ELOVL7: variants seen among roughly 807,000 people sequenced by gnomAD.
The protein encoded by ELOVL7 is ELOVL fatty acid elongase 7.
A neutral mutation model predicts 35.7 loss-of-function variants in ELOVL7; 27 were observed. The observed-to-expected ratio is 0.76, with a 90% CI of 0.56 to 1.04. The LOEUF is 1.04. ELOVL7 is among the 50% of genes least tolerant of loss of function. The pLI is 0.00. For missense variants in ELOVL7, 327 were observed against 340.8 expected, an observed-to-expected ratio of 0.96 and a Z score of 0.32; for synonymous variants, 113 against 114.6, an observed-to-expected ratio of 0.99 and a Z score of 0.09.
At chr5:60,805,793 T>C (rs900077125) in intron 1 of ELOVL7, among the ~76,000 whole-genome samples, 2 of 152,200 alleles carry the variant, frequency 1.3e-5, no homozygotes, top group Non-Finnish European at 2.9e-5. Flanking sequence ...TTCCTGTATA[T>C]AGTATTGCAA....
chr5:60,772,370 C>T (rs1334467655), intron 3 of ELOVL7, among the ~76,000 whole-genome samples: 1 of 152,134 alleles, frequency 6.6e-6, no homozygotes, highest in African/African-American at 2.4e-5. Flanking sequence ...CTCTCCTGCC[C>T]TCTTTCCCCA....
At chr5:60,792,882 C>T (rs994854870) in intron 2 of ELOVL7, among the ~76,000 whole-genome samples, 1 of 152,140 alleles carries the variant, frequency 6.6e-6, no homozygotes, top group Non-Finnish European at 1.5e-5. Context: ...CACAAGAGAA[C>T]TGGATAGAGA....
At chr5:60,776,656 G>A (rs1742922623) in intron 3 of ELOVL7, among the ~76,000 whole-genome samples, 1 of 152,064 alleles carries the variant, frequency 6.6e-6, no homozygotes, top group African/African-American at 2.4e-5. Context: ...ACTTATAAGT[G>A]GGAGCTAAGT....
At chr5:60,802,113 TATATACACAC>T (rs1744675715) in intron 1 of ELOVL7, among the ~76,000 whole-genome samples, 1 of 6,596 alleles carries the variant, frequency 1.5e-4, no homozygotes, top group Non-Finnish European at 3.1e-4. Flanking sequence ...TATATATATA[TATATACACAC>T]ACACACACAC....
chr5:60,807,030 T>C (rs975901536), intron 1 of ELOVL7, among the ~76,000 whole-genome samples: 1 of 152,206 alleles, frequency 6.6e-6, no homozygotes, highest in African/African-American at 2.4e-5. Flanking sequence ...CAGAGTGGCA[T>C]CTACAACACG....
intron 1 of ELOVL7, among the ~76,000 whole-genome samples, chr5:60,813,369 T>A (rs1745342388): frequency 2.0e-5 from 3 of 152,326 alleles, no homozygotes; most frequent in Admixed American, 1.3e-4. Flanking sequence ...CCTCTACTCA[T>A]ATATCCCTTA....
chr5:60,771,182 C>G (rs1284421810), intron 4 of ELOVL7, among the ~76,000 whole-genome samples: 2 of 152,008 alleles, frequency 1.3e-5, no homozygotes, highest in African/African-American at 2.4e-5. Flanking sequence ...GATAATGAAG[C>G]CAGCCAGAGT....
chr5:60,818,192 C>T (rs928553011), intron 1 of ELOVL7, among the ~76,000 whole-genome samples: 10 of 151,324 alleles, frequency 6.6e-5, no homozygotes, highest in African/African-American at 2.2e-4. Context: ...GTGGCGGGCG[C>T]CTATAATCCC....
chr5:60,798,012 G>T (rs973833097), intron 2 of ELOVL7, among the ~76,000 whole-genome samples: 8 of 152,080 alleles, frequency 5.3e-5, no homozygotes, highest in African/African-American at 1.9e-4. Context: ...TCCCTGCTTC[G>T]AGTCTTCCTG....
chr5:60,795,675 C>A (rs556201865), intron 2 of ELOVL7, among the ~76,000 whole-genome samples: 12 of 152,354 alleles, frequency 7.9e-5, no homozygotes, highest in Admixed American at 7.2e-4. Context: ...CCCTCCGGAT[C>A]CGGCAGGGTG....
intron 7 of ELOVL7, among the ~76,000 whole-genome samples, chr5:60,759,787 C>T (rs1254505190): frequency 6.6e-6 from 1 of 151,956 alleles, no homozygotes; most frequent in African/African-American, 2.4e-5. Flanking sequence ...ATCCCTCTCC[C>T]GTCCCCCAAC....
intron 7 of ELOVL7, among the ~76,000 whole-genome samples, chr5:60,760,694 G>T (rs1002370562): frequency 1.3e-5 from 2 of 152,018 alleles, no homozygotes; most frequent in Non-Finnish European, 2.9e-5. Flanking sequence ...TTTTGGTGTT[G>T]TAGACATGAA....
intron 1 of ELOVL7, among the ~76,000 whole-genome samples, chr5:60,805,892 T>C (rs962081353): frequency 4.6e-5 from 7 of 152,178 alleles, no homozygotes; most frequent in Non-Finnish European, 1.0e-4. Flanking sequence ...ACGCCTGGCA[T>C]GTAGCAGGAA....
chr5:60,837,333 T>TGG (rs1746885545), intron 1 of ELOVL7, among the ~76,000 whole-genome samples: 8 of 53,556 alleles, frequency 1.5e-4, no homozygotes, highest in Non-Finnish European at 2.4e-4. Context: ...GAGTGGGGGG[T>TGG]GGGGGTGGCG....
chr5:60,780,095 A>G, intron 3 of ELOVL7, among the ~76,000 whole-genome samples: 1 of 147,818 alleles, frequency 6.8e-6, no homozygotes, highest in South Asian at 2.2e-4. Context: ...ACAAGTCTCT[A>G]GTAAGTTCCA....
chr5:60,751,839 C>T lies in ELOVL7; in HGVS notation c.*2785G>A, dbSNP rs1741300944. 6.6e-6 allele frequency: 1 copy of T among 152,142 alleles called. No homozygotes were observed. The highest frequency in any genetic ancestry group is 1.5e-5 in the Non-Finnish European group (1 of 68,024). The allele number at this position is 152,142 out of a possible 1,614,324, so 9.4% of individuals were successfully genotyped here. On this transcript the variant is annotated 3_prime_UTR_variant, in exon 9 of 9. Transcript: ENST00000508821. ...TATAATACACAGGGAAAAACAAACT[C>T]AAACTTTGACAACATCCACAGAATG...
At chr5:60,797,418 C>A (rs1188937091) in intron 2 of ELOVL7, among the ~76,000 whole-genome samples, 1 of 152,156 alleles carries the variant, frequency 6.6e-6, no homozygotes, top group Non-Finnish European at 1.5e-5. Context: ...AAGAGAACAG[C>A]AGAAAGCAAA....
At chr5:60,765,356 A>G (rs1295817000) in intron 6 of ELOVL7, among the ~76,000 whole-genome samples, 1 of 152,192 alleles carries the variant, frequency 6.6e-6, no homozygotes, top group Non-Finnish European at 1.5e-5. Context: ...TTCTGGACTA[A>G]TGCTTCTCAA....
intron 7 of ELOVL7, among the ~76,000 whole-genome samples, chr5:60,762,035 A>C (rs895045222): frequency 5.5e-4 from 83 of 152,108 alleles, no homozygotes; most frequent in African/African-American, 2.0e-3. Flanking sequence ...TGTTTACTAG[A>C]ATTCCACATG....
Sources: gnomAD v4.1 joint callset for allele counts (sites outside exome capture counted in the v4.1 genomes callset) on GRCh38, gnomAD v4.1.1 for gene constraint, MANE v1.5 for transcripts, NCBI Gene and HGNC (gene_info 2026-07-23, HGNC 2026-07-21) for gene names.